Variants in PRAM1 observed in about 807,000 individuals in gnomAD.
The protein encoded by PRAM1 is PML-RARA regulated adaptor molecule 1, also known as PML-RARA-regulated adapter molecule 1.
A neutral mutation model predicts 55.3 loss-of-function variants in PRAM1; 41 were observed. That is an observed-to-expected ratio of 0.74 (90% CI 0.58 to 0.96). The LOEUF (loss-of-function observed/expected upper bound fraction) is 0.96, where lower values mean the gene tolerates loss of function less well. Among genes scored for constraint, PRAM1 ranks in the 40% least tolerant of loss-of-function variants. The pLI is 0.00. For synonymous variants in PRAM1, 401 were observed against 387.1 expected, an observed-to-expected ratio of 1.04 and a Z score of -0.42; for missense variants, 898 against 892.7, an observed-to-expected ratio of 1.01 and a Z score of -0.08.
chr19:8,501,098 C>CTT (rs35262115), intron 1 of PRAM1, among the ~76,000 whole-genome samples: 5 of 118,164 alleles, frequency 4.2e-5, no homozygotes, highest in African/African-American at 1.1e-4. Flanking sequence ...TTCTTTCTTT[C>CTT]TTTTTTTTTT....
intron 1 of PRAM1, among the ~76,000 whole-genome samples, chr19:8,500,071 A>AC: frequency 1.3e-5 from 1 of 75,278 alleles, no homozygotes; most frequent in African/African-American, 5.3e-5. Context: ...CATGGGTGGT[A>AC]CCCCACCCCC....
chr19:8,499,842 G>A, intron 1 of PRAM1, 62 bp from the exon 2 acceptor site: 1 of 1,399,320 alleles, frequency 7.1e-7, no homozygotes, highest in Non-Finnish European at 9.6e-7. Context: ...TGGAAGGATG[G>A]GCCTGGGGAC....
At chr19:8,492,917 A>G (rs955430927) in intron 4 of PRAM1, among the ~76,000 whole-genome samples, 1 of 152,182 alleles carries the variant, frequency 6.6e-6, no homozygotes, top group Non-Finnish European at 1.5e-5. Flanking sequence ...GAATCGCCGG[A>G]ACCTGGGAGC....
At chr19:8,491,195 G>A (rs1038382916) in intron 4 of PRAM1, 38 bp from the exon 5 acceptor site, 13 of 1,586,098 alleles carry the variant, frequency 8.2e-6, no homozygotes, top group East Asian at 6.8e-5. Flanking sequence ...GGCAGGGCCC[G>A]CCGGCTCAGC....
chr19:8,494,777 G>A (rs1312324330), intron 4 of PRAM1, among the ~76,000 whole-genome samples: 3 of 150,536 alleles, frequency 2.0e-5, no homozygotes, highest in African/African-American at 4.9e-5. Flanking sequence ...GATTACAGGC[G>A]CCTGCTACCA....
Position 8,499,373 on chromosome 19 carries a change from C to T in PRAM1, c.435G>A (p.Gln145=), listed in dbSNP as rs1322202914. The part of the protein sequence containing the change: ...GATPFPRKPL[Q]PEVGEAPLKA... ...TCAAAGGGGCCTCACCGACCTCAGG[C>T]TGCAGGGGCTTCCTTGGAAACGGAG... Residue 145 remains glutamine, a synonymous_variant, in exon 2 of 10, where the codon CAG becomes CAA. Transcript: ENST00000423345. 4 of 1,612,996 alleles carry T rather than the reference C, an allele frequency of 2.5e-6. No individual in the cohort carries two copies. The South Asian group carries it at 3.3e-5, about 13-fold the overall frequency.
intron 1 of PRAM1, among the ~76,000 whole-genome samples, chr19:8,502,102 C>G (rs575734545): frequency 1.3e-5 from 2 of 152,198 alleles, no homozygotes; most frequent in African/African-American, 4.8e-5. Context: ...GCCTGAAGTG[C>G]CCCTGTCAAA....
chr19:8,499,915 C>T, intron 1 of PRAM1, 135 bp from the exon 2 acceptor site: 2 of 705,894 alleles, frequency 2.8e-6, no homozygotes, highest in Non-Finnish European at 4.6e-6. Context: ...CAGCTCTTTC[C>T]CAGGAGCCCC....
rs1365244541 is a variant in PRAM1, at chr19:8,498,247, T to A, written c.1475A>T (p.Asp492Val). ...CTGCGGGATGTCTTCAGGCTGTCGG[T>A]CCTGGAAGTGGAGCCCAGCGGCCGA... ...TRSAAGLHFQ[D>V]RQPEDIPQVP... Residue 492 changes from aspartate (D) to valine (V), a missense_variant, in exon 3 of 10, where the codon GAC becomes GTC. By Grantham distance (152) the Asp-to-Val change is radical. Transcript: ENST00000423345. The A allele has an allele frequency of 6.2e-7, 1 of 1,612,892 alleles. No individual in the cohort carries two copies. Among genetic ancestry groups the A allele is most frequent in the East Asian group, 2.2e-5 (1 of 44,878 alleles).
chr19:8,491,020 T>A, intron 5 of PRAM1, 25 bp from the exon 6 acceptor site: 2 of 1,613,106 alleles, frequency 1.2e-6, no homozygotes, highest in Middle Eastern at 1.7e-4. Flanking sequence ...CAAGGAATTG[T>A]GTGCTCGTGA....
At position 8,490,395 on chromosome 19, in the gene PRAM1, G is replaced by T; in HGVS notation, c.1941-23C>A. ...TCCCTGGCAGAGCACAGTTGGGTCAGCAAGGGGCACCGTGGCCCATTCCCC... is the reference window on the plus strand; with the variant it reads ...TCCCTGGCAGAGCACAGTTGGGTCATCAAGGGGCACCGTGGCCCATTCCCC... On this transcript the variant is annotated intron_variant, in intron 8 of 9. Transcript: ENST00000423345. This position sits in a 1 kb window ranked among gnomAD's most constrained non-coding sequence, Gnocchi z 7.3. 6.2e-7 allele frequency: 1 copy of T among 1,613,906 alleles called. No individual in the cohort carries two copies. The highest frequency in any genetic ancestry group is 1.1e-5 in the South Asian group (1 of 91,082).
In PRAM1 at chr19:8,490,139, G is replaced by C. The variant is rs1331774811; in HGVS notation, c.*50C>G. 1 of 1,477,716 alleles carries C rather than the reference G, an allele frequency of 6.8e-7. No individual in the cohort carries two copies. Among genetic ancestry groups the C allele is most frequent in the Non-Finnish European group, 9.0e-7 (1 of 1,105,428 alleles). The allele number at this position is 1,477,716 out of a possible 1,614,324, so 91.5% of individuals were successfully genotyped here. A position where few individuals can be genotyped will look rare whatever the true frequency, so the allele number is the denominator to read the frequency against. ...CCGCGCCGGGATCCAGGGCTCCTGG[G>C]TGAGCGGGCGCTGGGCTGGCTGGCT... On this transcript the variant is annotated 3_prime_UTR_variant, in exon 10 of 10. Transcript: ENST00000423345. The surrounding 1 kb of genome is among the most constrained non-coding windows in gnomAD (Gnocchi z 7.3).
At chr19:8,496,107 T>C (rs767606216) in intron 4 of PRAM1, 2 of 456,036 alleles carry the variant, frequency 4.4e-6, no homozygotes, top group Admixed American at 4.7e-5. Flanking sequence ...CTCAGCTACC[T>C]TGAACACAAC....
rs1971726430 is a variant in PRAM1, at chr19:8,498,131, C to T, written c.1499+92G>A. 3.7e-6 allele frequency: 5 copies of T among 1,363,134 alleles called. No homozygotes were observed. The South Asian group carries it at 3.7e-5, about 10-fold the overall frequency. 84.4% of individuals were successfully genotyped at this position (1,363,134 alleles called of 1,614,324 possible). A position where few individuals can be genotyped will look rare whatever the true frequency, so the allele number is the denominator to read the frequency against. On this transcript the variant is annotated intron_variant, in intron 3 of 9. Transcript: ENST00000423345. ...CTGACTTCAGGAGATCCGCCCACTTCAGCCTCCCGAAGTTCTGGGAGCTCC... is the reference window on the plus strand; with the variant it reads ...CTGACTTCAGGAGATCCGCCCACTTTAGCCTCCCGAAGTTCTGGGAGCTCC...
chr19:8,497,926 G>A, intron 3 of PRAM1, 86 bp from the exon 4 acceptor site: 1 of 986,336 alleles, frequency 1.0e-6, no homozygotes, highest in Non-Finnish European at 1.4e-6. Context: ...TGCCCAGGCT[G>A]GAGTGGTGCA....
In PRAM1 at chr19:8,490,687, C is replaced by T. The variant is rs1403120316; in HGVS notation, c.1813G>A (p.Gly605Ser). The T allele has an allele frequency of 6.2e-7, 1 of 1,605,566 alleles. No individual in the cohort carries two copies. Among genetic ancestry groups the T allele is most frequent in the Non-Finnish European group, 8.5e-7 (1 of 1,176,220 alleles). Residue 605 changes from glycine to serine, a missense_variant, in exon 7 of 10, where the codon GGC becomes AGC. Around this residue, in one of 4 missense-constraint regions of PRAM1, gnomAD observed 787 missense variants for 735.4 expected, o/e 1.07. Transcript: ENST00000423345. The surrounding 1 kb of genome is among the most constrained non-coding windows in gnomAD (Gnocchi z 7.3). ...CCGCGCCGGATCCCGAGGTGCTTGC[C>T]ACCCCCGCGACGTGTCTTAGCGTTG... ...DPNAKTRRGG[G>S]KHLGIRRGEI...
At chr19:8,496,170 C>A (rs543138745) in intron 4 of PRAM1, 1 of 453,450 alleles carries the variant, frequency 2.2e-6, no homozygotes, top group African/African-American at 2.0e-5. Context: ...AATCTCAGCA[C>A]TTTGGTAGGC....
At position 8,490,092 on chromosome 19, in the gene PRAM1, C is replaced by G; in HGVS notation, c.*97G>C. 1 of 1,229,778 alleles carries G rather than the reference C, an allele frequency of 8.1e-7. No individual in the cohort carries two copies. Among genetic ancestry groups the G allele is most frequent in the South Asian group, 1.5e-5 (1 of 64,872 alleles). The allele number at this position is 1,229,778 out of a possible 1,614,324, so 76.2% of individuals were successfully genotyped here. A position where few individuals can be genotyped will look rare whatever the true frequency, so the allele number is the denominator to read the frequency against. ...GGGGCTTTATGTGGCCAGGTACAAG[C>G]CCAGGCAGCTCTGTGACTTTCCCGC... is the stretch of plus-strand genomic sequence containing the variant. On this transcript the variant is annotated 3_prime_UTR_variant, in exon 10 of 10. Transcript: ENST00000423345. The surrounding 1 kb of genome is among the most constrained non-coding windows in gnomAD (Gnocchi z 7.3).
intron 2 of PRAM1, 35 bp from the exon 3 acceptor site, chr19:8,498,324 C>G: frequency 6.2e-7 from 1 of 1,602,200 alleles, no homozygotes; most frequent in South Asian, 1.1e-5. Context: ...GAAGCCGGCA[C>G]TGCCTGGGAC....
Sources: gnomAD v4.1 joint callset for allele counts (sites outside exome capture counted in the v4.1 genomes callset) on GRCh38, gnomAD v4.1.1 for gene constraint, gnomAD v4.1.1 regional missense constraint, Gnocchi (gnomAD v3.1) non-coding constraint, MANE v1.5 for transcripts, NCBI Gene and HGNC (gene_info 2026-07-23, HGNC 2026-07-21) for gene names.